ADAMTS18: variants seen among roughly 807,000 people sequenced by gnomAD.
The protein encoded by ADAMTS18 is A disintegrin and metalloproteinase with thrombospondin motifs 18.
In ADAMTS18, 157 loss-of-function variants were observed where a neutral mutation model predicts 165.9. The observed-to-expected ratio is 0.95, with a 90% CI of 0.83 to 1.08. The LOEUF is 1.08. ADAMTS18 is among the 50% of genes least tolerant of loss of function. The probability of loss-of-function intolerance (pLI) is 0.00; values close to 1 mark genes in which losing one functional copy is unlikely to be tolerated. For synonymous variants in ADAMTS18, 782 were observed against 578.2 expected, an observed-to-expected ratio of 1.35 and a Z score of -5.06; for missense variants, 2,040 against 1,534.0, an observed-to-expected ratio of 1.33 and a Z score of -5.51.
intron 3 of ADAMTS18, among the ~76,000 whole-genome samples, chr16:77,383,545 T>TG (rs2057062905): frequency 7.2e-6 from 1 of 139,758 alleles, no homozygotes; most frequent in South Asian, 2.4e-4. Flanking sequence ...GCGACCTCTT[T>TG]TTTGTTGTTG....
intron 20 of ADAMTS18, among the ~76,000 whole-genome samples, chr16:77,292,122 A>T (rs536658501): frequency 1.3e-5 from 2 of 149,634 alleles, no homozygotes; most frequent in Non-Finnish European, 2.9e-5. Context: ...CCTCAGCAAC[A>T]TGGTGAAGCC....
intron 16 of ADAMTS18, among the ~76,000 whole-genome samples, chr16:77,307,692 G>A (rs1190731714): frequency 1.2e-4 from 19 of 152,102 alleles, no homozygotes. Context: ...CATCTGTTCT[G>A]AATTAATTCT....
At chr16:77,389,273 C>T (rs1358625079) in intron 3 of ADAMTS18, among the ~76,000 whole-genome samples, 3 of 152,138 alleles carry the variant, frequency 2.0e-5, no homozygotes, top group Non-Finnish European at 4.4e-5. Flanking sequence ...CCACTGCACT[C>T]CAGTCTAGGC....
At position 77,321,153 on chromosome 16, in the gene ADAMTS18, C is replaced by T; in HGVS notation, c.2213G>A (p.Cys738Tyr). 1 of 1,614,222 alleles carries T rather than the reference C, an allele frequency of 6.2e-7. No homozygotes were observed. The highest frequency in any genetic ancestry group is 8.5e-7 in the Non-Finnish European group (1 of 1,180,026). The part of the protein sequence containing the change: ...ELGSKAVSDA[C>Y]GVCKGDNSTC... ...TGAATTATCACCTTTGCAAACGCCA[C>T]AAGCATCTGAAACTGCTTTAGAGCC... The change falls in exon 15 of 23, where the codon TGT becomes TAT. Residue 738 changes from cysteine (C) to tyrosine (Y), a missense_variant. By Grantham distance (194) the Cys-to-Tyr change is radical. Coordinates refer to ENST00000282849, the MANE Select transcript of ADAMTS18 (RefSeq NM_199355.4).
Position 77,359,298 on chromosome 16 carries a change from T to G in ADAMTS18, c.1322+20A>C. On this transcript the variant is annotated intron_variant, in intron 8 of 22. Coordinates refer to ENST00000282849, the MANE Select transcript of ADAMTS18 (RefSeq NM_199355.4). ...CCCAACTAGTTTTCACATAAAGTAGTGGTTCAAAGAGGCACTTACTTGTGC... is the reference window on the plus strand; with the variant it reads ...CCCAACTAGTTTTCACATAAAGTAGGGGTTCAAAGAGGCACTTACTTGTGC... 1.2e-6 allele frequency: 2 copies of G among 1,601,602 alleles called. No homozygotes were observed. Among genetic ancestry groups the G allele is most frequent in the Non-Finnish European group, 1.7e-6 (2 of 1,170,256 alleles).
chr16:77,330,458 G>C (rs1459856200), intron 12 of ADAMTS18, among the ~76,000 whole-genome samples: 2 of 152,186 alleles, frequency 1.3e-5, no homozygotes, highest in East Asian at 3.9e-4. Context: ...TTGAGCAAGA[G>C]TTGCTACCGT....
At chr16:77,296,368 C>G (rs1045079146) in intron 18 of ADAMTS18, among the ~76,000 whole-genome samples, 1 of 152,096 alleles carries the variant, frequency 6.6e-6, no homozygotes, top group African/African-American at 2.4e-5. Context: ...TTGTGTCTTG[C>G]TACTGTGTAA....
intron 3 of ADAMTS18, among the ~76,000 whole-genome samples, chr16:77,372,908 G>T (rs1463301765): frequency 2.3e-4 from 35 of 152,066 alleles, no homozygotes; most frequent in Admixed American, 2.3e-3. Flanking sequence ...CATTCACTCT[G>T]GTATTAATCA....
chr16:77,329,525 A>G (rs147460748), intron 12 of ADAMTS18, among the ~76,000 whole-genome samples: 1 of 152,338 alleles, frequency 6.6e-6, no homozygotes, highest in Non-Finnish European at 1.5e-5. Flanking sequence ...ACCTTTGTAA[A>G]GAATGTAGGG....
rs371285289 is a variant in ADAMTS18 at position 77,431,648 on chromosome 16, C to T, written c.179-37G>A. On this transcript the variant is annotated intron_variant, in intron 2 of 22. Coordinates refer to ENST00000282849, the MANE Select transcript of ADAMTS18 (RefSeq NM_199355.4). The stretch of plus-strand genomic sequence containing the variant: ...AAAGTTCAGCTGTCAGCACCCAGAG[C>T]CCACAATTCCAAATGGTCTCTTTCC... The T allele has an allele frequency of 1.9e-6, 3 of 1,604,550 alleles. No individual in the cohort carries two copies. In the East Asian group the frequency reaches 6.7e-5, roughly 36 times the overall value.
At chr16:77,399,510 C>G (rs1739990501) in intron 3 of ADAMTS18, among the ~76,000 whole-genome samples, 1 of 152,166 alleles carries the variant, frequency 6.6e-6, no homozygotes, top group Non-Finnish European at 1.5e-5. Context: ...GAAGATAAAA[C>G]TAAGTGATGT....
chr16:77,353,758 T>C lies in ADAMTS18; in HGVS notation c.1589A>G (p.Lys530Arg), dbSNP rs1336129162. Residue 530 changes from lysine to arginine, a missense_variant, in exon 10 of 23, where the codon AAG becomes AGG. Lys to Arg is a conservative substitution (Grantham distance 26). Coordinates refer to ENST00000282849, the MANE Select transcript of ADAMTS18 (RefSeq NM_199355.4). ...CTTCACAAAACCAAGGCTGCATAAC[T>C]TGGCTTTTGCTCCAAATTGCCATTT... Reference protein sequence around the residue: ...QCKWQFGAKAKLCSLGFVKDI... With the variant: ...QCKWQFGAKARLCSLGFVKDI... 2 of 1,614,068 alleles carry C rather than the reference T, an allele frequency of 1.2e-6. No homozygotes were observed. Among genetic ancestry groups the C allele is most frequent in the Non-Finnish European group, 1.7e-6 (2 of 1,180,020 alleles).
At chr16:77,311,888 A>G (rs1296897340) in intron 16 of ADAMTS18, among the ~76,000 whole-genome samples, 1 of 152,190 alleles carries the variant, frequency 6.6e-6, no homozygotes, top group Non-Finnish European at 1.5e-5. Context: ...ATAAAGAAAG[A>G]TTTTGGAAAA....
At chr16:77,347,205 C>T (rs558117844) in intron 10 of ADAMTS18, among the ~76,000 whole-genome samples, 11 of 152,262 alleles carry the variant, frequency 7.2e-5, no homozygotes, top group East Asian at 3.9e-4. Flanking sequence ...TTTTGCAGGA[C>T]GTTTAAATAG....
At chr16:77,340,701 C>G (rs2056385044) in intron 11 of ADAMTS18, among the ~76,000 whole-genome samples, 1 of 152,082 alleles carries the variant, frequency 6.6e-6, no homozygotes, top group Non-Finnish European at 1.5e-5. Context: ...CTCCTTCAAC[C>G]TCCCAAAGTG....
intron 12 of ADAMTS18, among the ~76,000 whole-genome samples, chr16:77,329,221 T>A (rs1195720381): frequency 3.3e-5 from 5 of 152,066 alleles, no homozygotes; most frequent in Admixed American, 3.3e-4. Context: ...TCCTCCTGCC[T>A]CAGCCTCCTG....
At chr16:77,304,676 G>C (rs1261147988) in intron 16 of ADAMTS18, among the ~76,000 whole-genome samples, 5 of 152,124 alleles carry the variant, frequency 3.3e-5, no homozygotes. Context: ...ATAATATCAT[G>C]GTAATACAAA....
intron 2 of ADAMTS18, among the ~76,000 whole-genome samples, chr16:77,431,905 C>T (rs1748334546): frequency 6.6e-6 from 1 of 152,174 alleles, no homozygotes; most frequent in African/African-American, 2.4e-5. Context: ...AGATTTAGAA[C>T]ATTCTTTTGA....
At chr16:77,386,819 T>G (rs901086405) in intron 3 of ADAMTS18, among the ~76,000 whole-genome samples, 1 of 152,178 alleles carries the variant, frequency 6.6e-6, no homozygotes, top group Non-Finnish European at 1.5e-5. Flanking sequence ...ATGTAACTTA[T>G]TACATGCAAA....
Sources: gnomAD v4.1 joint callset for allele counts (sites outside exome capture counted in the v4.1 genomes callset) on GRCh38, gnomAD v4.1.1 for gene constraint, MANE v1.5 for transcripts, NCBI Gene and HGNC (gene_info 2026-07-23, HGNC 2026-07-21) for gene names.